SHLD2: variants seen among roughly 807,000 people sequenced by gnomAD.
The protein encoded by SHLD2 is RINN1-REV7-interacting novel NHEJ regulator 2.
SHLD2 carries 30 observed loss-of-function variants against 73.2 expected under a neutral mutation model. The ratio of observed to expected loss-of-function variants is 0.41; its 90% CI spans 0.31 to 0.56. The LOEUF (loss-of-function observed/expected upper bound fraction) is 0.56, where lower values mean the gene tolerates loss of function less well. SHLD2 is among the 20% of genes least tolerant of loss of function. The pLI, the probability that SHLD2 is intolerant of heterozygous loss-of-function variation, is 0.28. For missense variants in SHLD2, 745 were observed against 1,055.9 expected, an observed-to-expected ratio of 0.71 and a Z score of 4.08; for synonymous variants, 285 against 370.1, an observed-to-expected ratio of 0.77 and a Z score of 2.64.
At chr10:87,175,799 C>G in intron 6 of SHLD2, 90 bp from the exon 7 acceptor site, 1 of 1,298,276 alleles carries the variant, frequency 7.7e-7, no homozygotes, top group South Asian at 1.4e-5. Flanking sequence ...TTAGATTCAA[C>G]TGACTTAATC....
intron 2 of SHLD2, among the ~76,000 whole-genome samples, chr10:87,149,220 T>G (rs1845846288): frequency 6.6e-6 from 1 of 151,844 alleles, no homozygotes; most frequent in Non-Finnish European, 1.5e-5. Context: ...ATATTTCTCC[T>G]TCCACTTGGG....
intron 8 of SHLD2, 25 bp from the exon 9 acceptor site, chr10:87,187,060 T>G: frequency 7.2e-7 from 1 of 1,390,856 alleles, no homozygotes; most frequent in Non-Finnish European, 1.0e-6. Context: ...TTTTTGAAGG[T>G]CGTGTGTTGT....
chr10:87,099,616 G>A (rs1487779662), intron 2 of SHLD2, among the ~76,000 whole-genome samples: 1 of 152,132 alleles, frequency 6.6e-6, no homozygotes, highest in Non-Finnish European at 1.5e-5. Context: ...ATGATGCTGC[G>A]GTGAACTTTT....
chr10:87,106,459 A>G (rs753971228), intron 2 of SHLD2, among the ~76,000 whole-genome samples: 1 of 152,168 alleles, frequency 6.6e-6, no homozygotes, highest in African/African-American at 2.4e-5. Context: ...AGGAATTATG[A>G]TATTTGCAGT....
chr10:87,106,541 T>C lies in SHLD2; in HGVS notation c.-6+9552T>C, dbSNP rs570542799. Among the ~76,000 whole-genome samples, 6 of 152,356 alleles carry C rather than the reference T, an allele frequency of 3.9e-5. No individual in the cohort carries two copies. The East Asian group carries it at 1.2e-3, about 29-fold the overall frequency. The stretch of plus-strand genomic sequence containing the variant: ...AGATCTTATACAATGATAACAGTTT[T>C]AAAATTATGCCTTCTGTTTTTTGAA... On this transcript the variant is annotated intron_variant, in intron 2 of 9. Coordinates refer to ENST00000298786, the MANE Select transcript of SHLD2 (RefSeq NM_001330112.2).
chr10:87,141,337 GT>G (rs200905992), intron 2 of SHLD2, among the ~76,000 whole-genome samples: 43,907 of 135,542 alleles, frequency 0.32, 7,155 homozygotes, highest in East Asian at 0.72. Flanking sequence ...GGTGTTCGGT[GT>G]TTTTTTTTTT....
rs202218506 is a variant in SHLD2 at position 87,104,718 on chromosome 10, TG to T, written c.-6+7731del. ...CTCTGTCGCCCAGGCTGGAGAGGAG[TG>T]GCACAATCTCGGCTCGCTGCAACCT... On this transcript the variant is annotated intron_variant, in intron 2 of 9. Coordinates refer to ENST00000298786, the MANE Select transcript of SHLD2 (RefSeq NM_001330112.2). Among the ~76,000 whole-genome samples, 1,153 of 149,998 alleles carry T rather than the reference TG, an allele frequency of 7.7e-3. 17 individuals carry two copies. The highest frequency in any genetic ancestry group is 0.027 in the African/African-American group (1,108 of 40,846).
chr10:87,122,509 G>T (rs1589475689), intron 2 of SHLD2, among the ~76,000 whole-genome samples: 1 of 151,944 alleles, frequency 6.6e-6, no homozygotes, highest in East Asian at 1.9e-4. Flanking sequence ...GGAAAGGAGG[G>T]ATGAGGAAGG....
chr10:87,167,025 C>CTT (rs1317058228), intron 4 of SHLD2, among the ~76,000 whole-genome samples: 1 of 151,336 alleles, frequency 6.6e-6, no homozygotes, highest in African/African-American at 2.4e-5. Flanking sequence ...TTCAGCATAT[C>CTT]TTGTATATGT....
At chr10:87,182,553 C>A (rs2134716765) in intron 8 of SHLD2, among the ~76,000 whole-genome samples, 1 of 152,330 alleles carries the variant, frequency 6.6e-6, no homozygotes, top group East Asian at 1.9e-4. Context: ...TTCAAGCTAT[C>A]ATAAAACTCA....
intron 2 of SHLD2, among the ~76,000 whole-genome samples, chr10:87,119,327 G>GT (rs1843443423): frequency 6.6e-6 from 1 of 152,206 alleles, no homozygotes; most frequent in East Asian, 1.9e-4. Flanking sequence ...TTCTGTTCTT[G>GT]TTTTAAAATT....
rs867333021 is a variant in SHLD2, at chr10:87,127,529, G to A, written c.-5-23821G>A. ...AGAATGTTTTTTGTCCCTCTTACCC[G>A]CCCCCCCCCACCCCGTCTGCCACCC... On this transcript the variant is annotated intron_variant, in intron 2 of 9. Transcript: ENST00000298786. Among the ~76,000 whole-genome samples the A allele has an allele frequency of 5.7e-3, 139 of 24,346 alleles. 2 individuals are homozygous for A. Among genetic ancestry groups the A allele is most frequent in the Admixed American group, 0.03 (61 of 2,020 alleles). The allele number at this position is 24,346 out of a possible 152,430, so 16.0% of individuals were successfully genotyped here.
At chr10:87,140,309 T>G (rs1438289856) in intron 2 of SHLD2, among the ~76,000 whole-genome samples, 1 of 150,740 alleles carries the variant, frequency 6.6e-6, no homozygotes, top group East Asian at 2.0e-4. Flanking sequence ...AATCTCAGCT[T>G]CTTGGGAGGC....
At chr10:87,175,584 C>T (rs1368060675) in intron 6 of SHLD2, among the ~76,000 whole-genome samples, 2 of 151,134 alleles carry the variant, frequency 1.3e-5, no homozygotes, top group African/African-American at 4.9e-5. Context: ...CTCAGGAGGC[C>T]GAGGCAGGAG....
chr10:87,135,771 G>T (rs1043133784), intron 2 of SHLD2, among the ~76,000 whole-genome samples: 1 of 151,434 alleles, frequency 6.6e-6, no homozygotes, highest in Non-Finnish European at 1.5e-5. Context: ...AAGTAGTTGG[G>T]ACTACAGACA....
intron 2 of SHLD2, among the ~76,000 whole-genome samples, chr10:87,149,869 T>C (rs1168834661): frequency 6.6e-6 from 1 of 152,082 alleles, no homozygotes. Flanking sequence ...GCTGGGACTA[T>C]AGGTGTTCCA....
Position 87,152,280 on chromosome 10 carries a change from C to T in SHLD2, c.926C>T (p.Ser309Phe), listed in dbSNP as rs750419648. 1 of 1,520,724 alleles carries T rather than the reference C, an allele frequency of 6.6e-7. No individual in the cohort carries two copies. The highest frequency in any genetic ancestry group is 2.3e-5 in the East Asian group (1 of 43,446). The allele number at this position is 1,520,724 out of a possible 1,614,324, so 94.2% of individuals were successfully genotyped here. Reference protein sequence around the residue: ...AYESGQNQAYSLELFSPVCPK... With the variant: ...AYESGQNQAYFLELFSPVCPK... ...GAAAGTGGACAAAACCAAGCATATT[C>T]CCTTGAACTTTTTAGTCCTGTTTGT... is the stretch of plus-strand genomic sequence containing the variant. The change falls in exon 3 of 10, where the codon TCC becomes TTC. Residue 309 changes from serine to phenylalanine, a missense_variant. Physicochemically the swap from Ser to Phe is radical, Grantham distance 155. Coordinates refer to ENST00000298786, the MANE Select transcript of SHLD2 (RefSeq NM_001330112.2).
At chr10:87,160,412 C>T (rs1410333990) in intron 4 of SHLD2, among the ~76,000 whole-genome samples, 4 of 152,118 alleles carry the variant, frequency 2.6e-5, no homozygotes, top group Non-Finnish European at 5.9e-5. Context: ...AAAGTTGAGG[C>T]TGCAGTGAGC....
chr10:87,098,312 G>A (rs1017639778), intron 2 of SHLD2, among the ~76,000 whole-genome samples: 7 of 151,894 alleles, frequency 4.6e-5, no homozygotes, highest in South Asian at 2.1e-4. Context: ...TTGGGAGTTC[G>A]AGACCAGCCT....
Sources: gnomAD v4.1 joint callset for allele counts (sites outside exome capture counted in the v4.1 genomes callset) on GRCh38, gnomAD v4.1.1 for gene constraint, MANE v1.5 for transcripts, NCBI Gene and HGNC (gene_info 2026-07-23, HGNC 2026-07-21) for gene names.